NELL1: variants seen among roughly 807,000 people sequenced by gnomAD.
NELL1 encodes protein kinase C-binding protein NELL1.
Under a neutral mutation model 107.4 loss-of-function variants are expected in NELL1, and 76 were observed. The observed-to-expected ratio is 0.71, with a 90% CI of 0.59 to 0.86. The LOEUF is 0.86. NELL1 is among the 40% of genes least tolerant of loss of function. The pLI, the probability that NELL1 is intolerant of heterozygous loss-of-function variation, is 0.00. For missense variants in NELL1, 1,024 were observed against 1,005.5 expected, an observed-to-expected ratio of 1.02 and a Z score of -0.25; for synonymous variants, 353 against 341.2, an observed-to-expected ratio of 1.03 and a Z score of -0.38.
At chr11:20,975,304 C>A (rs1448902019) in intron 12 of NELL1, among the ~76,000 whole-genome samples, 1 of 151,990 alleles carries the variant, frequency 6.6e-6, no homozygotes, top group Non-Finnish European at 1.5e-5. Flanking sequence ...GCATGAACCA[C>A]CGCACCCGGC....
intron 2 of NELL1, among the ~76,000 whole-genome samples, chr11:20,748,154 A>G (rs539937679): frequency 3.3e-5 from 5 of 152,244 alleles, no homozygotes; most frequent in African/African-American, 1.2e-4. Flanking sequence ...GAAACCCAGT[A>G]TTCCCTTAAT....
Position 21,340,931 on chromosome 11 carries a change from G to T in NELL1, c.1550-29922G>T, listed in dbSNP as rs79457536. On this transcript the variant is annotated intron_variant, in intron 14 of 19. Transcript: ENST00000357134. ...GTTATGGCAACACTAGTAAATCAAC[G>T]TACCTATTTCTCTACCATACTTCTC... Among the ~76,000 whole-genome samples, 209 of 152,110 alleles carry T rather than the reference G, an allele frequency of 1.4e-3. 3 individuals carry two copies. In the East Asian group the frequency reaches 0.031, roughly 23 times the overall value.
intron 4 of NELL1, among the ~76,000 whole-genome samples, chr11:20,863,236 C>T (rs1849015961): frequency 6.7e-6 from 1 of 150,216 alleles, no homozygotes; most frequent in African/African-American, 2.5e-5. Context: ...GCGCCCCCCA[C>T]CTCCCTCCCG....
chr11:21,369,362 ATTTTTTTT>A (rs34302489), intron 14 of NELL1, among the ~76,000 whole-genome samples: 5 of 110,414 alleles, frequency 4.5e-5, no homozygotes, highest in Admixed American at 9.9e-5. Context: ...GGTAGGTACT[ATTTTTTTT>A]TTTTTTTTTT....
chr11:21,562,509 C>G (rs535001984), intron 17 of NELL1, among the ~76,000 whole-genome samples: 2 of 152,102 alleles, frequency 1.3e-5, no homozygotes, highest in South Asian at 4.1e-4. Context: ...GGTTTAGGAG[C>G]TGAATTAAGC....
At chr11:21,574,441 T>TA (rs947154037) in intron 19 of NELL1, among the ~76,000 whole-genome samples, 4 of 151,822 alleles carry the variant, frequency 2.6e-5, no homozygotes, top group Non-Finnish European at 4.4e-5. Flanking sequence ...AAGGTATATT[T>TA]ACATTAGTAC....
intron 12 of NELL1, among the ~76,000 whole-genome samples, chr11:20,982,685 G>A (rs1323995589): frequency 6.6e-6 from 1 of 152,138 alleles, no homozygotes; most frequent in African/African-American, 2.4e-5. Context: ...GTCAGTAAAT[G>A]TAGAACCGTA....
intron 12 of NELL1, among the ~76,000 whole-genome samples, chr11:21,110,435 T>C (rs894568577): frequency 2.6e-5 from 4 of 152,144 alleles, no homozygotes; most frequent in African/African-American, 9.7e-5. Context: ...CCTTGGAATC[T>C]TATGAAACAA....
At chr11:20,847,886 C>T (rs1848728615) in intron 4 of NELL1, 133 bp downstream of exon 4, 1 of 884,546 alleles carries the variant, frequency 1.1e-6, no homozygotes, top group African/African-American at 1.7e-5. Context: ...ATTTAACCTA[C>T]CAAATGGGAC....
At chr11:21,275,537 C>G (rs1313755533) in intron 14 of NELL1, among the ~76,000 whole-genome samples, 1 of 152,192 alleles carries the variant, frequency 6.6e-6, no homozygotes, top group Admixed American at 6.5e-5. Context: ...GGAATCCTCC[C>G]TAGCTCATTT....
At chr11:21,434,097 C>T (rs1216912273) in intron 15 of NELL1, among the ~76,000 whole-genome samples, 1 of 152,128 alleles carries the variant, frequency 6.6e-6, no homozygotes, top group Non-Finnish European at 1.5e-5. Flanking sequence ...ATATTAATCT[C>T]TTGTCAGGTT....
At chr11:21,415,623 T>C (rs1175879143) in intron 15 of NELL1, among the ~76,000 whole-genome samples, 2 of 152,104 alleles carry the variant, frequency 1.3e-5, no homozygotes, top group Non-Finnish European at 2.9e-5. Context: ...GGATAGTAAC[T>C]GTCACTGTGG....
At chr11:20,739,726 G>A (rs898500271) in intron 2 of NELL1, among the ~76,000 whole-genome samples, 1 of 152,196 alleles carries the variant, frequency 6.6e-6, no homozygotes, top group African/African-American at 2.4e-5. Context: ...TCCCTGGGCA[G>A]AGAGACAAAG....
At chr11:21,142,913 C>T (rs1269597614) in intron 13 of NELL1, among the ~76,000 whole-genome samples, 1 of 152,224 alleles carries the variant, frequency 6.6e-6, no homozygotes, top group Admixed American at 6.5e-5. Context: ...CACGGTATGG[C>T]ACAATTAAGA....
At position 20,970,231 on chromosome 11, in the gene NELL1, G is replaced by A. The variant is rs532814647; in HGVS notation, c.1300+9671G>A. ...GGGCATCATTTATGTAGTTGTCTAG[G>A]TGAGTGGCAGCTGCTGGAATTATGC... On this transcript the variant is annotated intron_variant, in intron 12 of 19. Coordinates refer to ENST00000357134, the MANE Select transcript of NELL1 (RefSeq NM_006157.5). Among the ~76,000 whole-genome samples, 4 of 152,250 alleles carry A rather than the reference G, an allele frequency of 2.6e-5. No individual in the cohort carries two copies. The South Asian group carries it at 8.3e-4, about 32-fold the overall frequency.
At chr11:21,263,977 C>T (rs1041226875) in intron 14 of NELL1, among the ~76,000 whole-genome samples, 6 of 151,600 alleles carry the variant, frequency 4.0e-5, no homozygotes, top group Non-Finnish European at 7.4e-5. Flanking sequence ...GTGCATTTAG[C>T]CAACCATGTT....
intron 15 of NELL1, among the ~76,000 whole-genome samples, chr11:21,409,098 T>A (rs1200356959): frequency 3.9e-5 from 6 of 152,220 alleles, no homozygotes; most frequent in Non-Finnish European, 8.8e-5. Context: ...CCCAAAGGAC[T>A]ATAAATCATG....
chr11:20,975,692 G>GTATGTATTATATAATATACATATTATA (rs1851596698), intron 12 of NELL1, among the ~76,000 whole-genome samples: 1 of 102,386 alleles, frequency 9.8e-6, no homozygotes, highest in Non-Finnish European at 1.9e-5. Flanking sequence ...ATTATATAAT[G>GTATGTATTATATAATATACATATTATA]TATGTATTAT....
At chr11:21,298,032 C>T (rs1179296964) in intron 14 of NELL1, among the ~76,000 whole-genome samples, 1 of 151,768 alleles carries the variant, frequency 6.6e-6, no homozygotes, top group Admixed American at 6.6e-5. Context: ...TATTTTGTAC[C>T]CTATAATTAT....
Sources: gnomAD v4.1 joint callset for allele counts (sites outside exome capture counted in the v4.1 genomes callset) on GRCh38, gnomAD v4.1.1 for gene constraint, MANE v1.5 for transcripts, NCBI Gene and HGNC (gene_info 2026-07-23, HGNC 2026-07-21) for gene names.